The following CACNA1C variants were observed in gnomAD, a reference collection of about 807,000 sequenced individuals.
CACNA1C encodes voltage-dependent L-type calcium channel subunit alpha-1C.
Under a neutral mutation model 229.0 loss-of-function variants are expected in CACNA1C, and 30 were observed. The observed-to-expected ratio is 0.13, with a 90% CI of 0.10 to 0.18. The LOEUF (loss-of-function observed/expected upper bound fraction) is 0.18, where lower values mean the gene tolerates loss of function less well. Among genes scored for constraint, CACNA1C ranks in the 10% least tolerant of loss-of-function variants. The pLI is 1.00. For synonymous variants in CACNA1C, 1,114 were observed against 1,132.5 expected, an observed-to-expected ratio of 0.98 and a Z score of 0.33; for missense variants, 1,658 against 2,845.0, an observed-to-expected ratio of 0.58 and a Z score of 9.49.
At chr12:2,027,092 G>T in intron 1 of CACNA1C, among the ~76,000 whole-genome samples, 1 of 152,156 alleles carries the variant, frequency 6.6e-6, no homozygotes, top group Non-Finnish European at 1.5e-5. Context: ...TTGTCATCAG[G>T]CTAGTAAGCC....
intron 3 of CACNA1C, among the ~76,000 whole-genome samples, chr12:2,352,492 C>T (rs377731944): frequency 3.3e-5 from 5 of 152,224 alleles, no homozygotes; most frequent in East Asian, 1.9e-4. Flanking sequence ...AATTCTGTGT[C>T]GCTGCTGTCA....
intron 18 of CACNA1C, among the ~76,000 whole-genome samples, chr12:2,588,908 A>G (rs1201930375): frequency 6.6e-6 from 1 of 152,162 alleles, no homozygotes; most frequent in African/African-American, 2.4e-5. Flanking sequence ...AGTAGTCAGC[A>G]CCGCCTGTGC....
intron 3 of CACNA1C, among the ~76,000 whole-genome samples, chr12:2,369,714 T>C (rs2097805405): frequency 6.6e-6 from 1 of 152,120 alleles, no homozygotes; most frequent in Non-Finnish European, 1.5e-5. Flanking sequence ...TACATACCTA[T>C]CTTATACATT....
chr12:2,457,772 T>C (rs995882400), intron 5 of CACNA1C, 66 bp downstream of exon 5: 7 of 1,373,988 alleles, frequency 5.1e-6, no homozygotes, highest in South Asian at 1.8e-5. Context: ...CTTTGCTGAA[T>C]TGCCAAGAAC....
intron 3 of CACNA1C, among the ~76,000 whole-genome samples, chr12:2,244,999 G>A (rs899637487): frequency 9.9e-5 from 15 of 152,124 alleles, no homozygotes; most frequent in African/African-American, 3.6e-4. Flanking sequence ...GGCTGTAAAT[G>A]CAATTCTGCT....
intron 1 of CACNA1C, among the ~76,000 whole-genome samples, chr12:2,035,476 T>C (rs1328951688): frequency 1.3e-5 from 2 of 152,030 alleles, no homozygotes; most frequent in Non-Finnish European, 2.9e-5. Flanking sequence ...GAAATAGACA[T>C]TTCCATTTCT....
intron 3 of CACNA1C, among the ~76,000 whole-genome samples, chr12:2,446,482 G>A (rs946248652): frequency 2.1e-5 from 3 of 145,930 alleles, no homozygotes; most frequent in African/African-American, 2.6e-5. Context: ...GTGGACTGAC[G>A]GATGGGTGCG....
intron 1 of CACNA1C, among the ~76,000 whole-genome samples, chr12:2,112,338 C>T (rs1283545098): frequency 2.4e-5 from 3 of 122,804 alleles, no homozygotes; most frequent in African/African-American, 9.2e-5. Context: ...GGGTCTTCCT[C>T]ACGTTAGGCT....
chr12:2,317,619 A>G (rs1003315796), intron 3 of CACNA1C, among the ~76,000 whole-genome samples: 16 of 152,210 alleles, frequency 1.1e-4, no homozygotes, highest in African/African-American at 3.1e-4. Flanking sequence ...ATACTTATAC[A>G]TGGTTAAGAT....
At chr12:2,081,440 G>A (rs952419893) in intron 1 of CACNA1C, among the ~76,000 whole-genome samples, 5 of 152,186 alleles carry the variant, frequency 3.3e-5, no homozygotes, top group South Asian at 4.1e-4. Context: ...GCATATTGGC[G>A]GGCGCCTGTA....
chr12:2,142,847 G>C (rs1021769243), intron 3 of CACNA1C, among the ~76,000 whole-genome samples: 2 of 151,298 alleles, frequency 1.3e-5, no homozygotes, highest in African/African-American at 4.8e-5. Flanking sequence ...GCTATACAGT[G>C]TGTTTGTGTT....
At chr12:2,263,607 C>T (rs2081196982) in intron 3 of CACNA1C, among the ~76,000 whole-genome samples, 1 of 151,526 alleles carries the variant, frequency 6.6e-6, no homozygotes, top group Non-Finnish European at 1.5e-5. Flanking sequence ...GCAGCTTGGA[C>T]CAGAGTGATA....
chr12:2,121,449 G>A (rs557742796), intron 3 of CACNA1C, among the ~76,000 whole-genome samples: 11 of 152,306 alleles, frequency 7.2e-5, no homozygotes, highest in African/African-American at 1.7e-4. Flanking sequence ...TATGATGCAC[G>A]TTTTAACTTC....
chr12:2,219,677 G>C (rs1253989430), intron 3 of CACNA1C, among the ~76,000 whole-genome samples: 1 of 152,214 alleles, frequency 6.6e-6, no homozygotes, highest in Non-Finnish European at 1.5e-5. Flanking sequence ...GTGAATTAGA[G>C]AGAAAAGCTA....
rs1420451823 is a variant in CACNA1C at position 2,647,663 on chromosome 12, T to C, written c.3913-812T>C. Among the ~76,000 whole-genome samples the C allele has an allele frequency of 6.6e-6, 1 of 152,120 alleles. No individual in the cohort carries two copies. The highest frequency in any genetic ancestry group is 1.5e-5 in the Non-Finnish European group (1 of 68,018). ...CTCCTCAGTGTTGACTTGAAGTCGG[T>C]CTCCCCTAAACCTGAGAGGCCACTG... is the stretch of plus-strand genomic sequence containing the variant. On this transcript the variant is annotated intron_variant, in intron 30 of 46. Transcript: ENST00000399655. The surrounding 1 kb of genome is among the most constrained non-coding windows in gnomAD (Gnocchi z 4.2).
chr12:2,255,229 G>A lies in CACNA1C; in HGVS notation c.477+134799G>A, dbSNP rs936393422. Among the ~76,000 whole-genome samples, 18 of 149,766 alleles carry A rather than the reference G, an allele frequency of 1.2e-4. No homozygotes were observed. The South Asian group carries it at 1.3e-3, about 11-fold the overall frequency. On this transcript the variant is annotated intron_variant, in intron 3 of 46. Coordinates refer to ENST00000399655, the MANE Select transcript of CACNA1C (RefSeq NM_000719.7). ...TTTTACTGAGGTACTGTGAGAGCCA[G>A]TGAAATCACGGTTATGGGATGCTCA... is the stretch of plus-strand genomic sequence containing the variant.
chr12:2,647,920 G>A lies in CACNA1C; in HGVS notation c.3913-555G>A, dbSNP rs1044682801. 2.6e-5 allele frequency among the ~76,000 whole-genome samples: 4 copies of A among 152,152 alleles called. No homozygotes were observed. The highest frequency in any genetic ancestry group is 4.4e-5 in the Non-Finnish European group (3 of 68,034). ...GGAGGATCGCTTGAGGCCAGCCCAC[G>A]AGTTTGAGACCAGCCTGGGCAGTAT... On this transcript the variant is annotated intron_variant, in intron 30 of 46. Coordinates refer to ENST00000399655, the MANE Select transcript of CACNA1C (RefSeq NM_000719.7). The surrounding 1 kb of genome is among the most constrained non-coding windows in gnomAD (Gnocchi z 4.2).
intron 3 of CACNA1C, among the ~76,000 whole-genome samples, chr12:2,383,542 A>G (rs1469372092): frequency 1.3e-5 from 2 of 152,204 alleles, no homozygotes; most frequent in African/African-American, 4.8e-5. Context: ...GAATTCCCAG[A>G]CAGAGGAGGC....
chr12:2,369,460 G>T (rs183621552), intron 3 of CACNA1C, among the ~76,000 whole-genome samples: 1 of 149,394 alleles, frequency 6.7e-6, no homozygotes, highest in East Asian at 2.0e-4. Context: ...GTGCAGTGGC[G>T]CAATCTTGGC....
Sources: allele counts gnomAD v4.1 joint callset (sites outside exome capture counted in the v4.1 genomes callset), GRCh38; gene constraint gnomAD v4.1.1; non-coding constraint Gnocchi (gnomAD v3.1); transcripts MANE v1.5; gene names NCBI Gene and HGNC (gene_info 2026-07-23, HGNC 2026-07-21).